CTNNA2: variants seen among roughly 807,000 people sequenced by gnomAD.
CTNNA2 encodes catenin alpha 2.
CTNNA2 carries 42 observed loss-of-function variants against 101.0 expected under a neutral mutation model. The observed-to-expected ratio is 0.42, with a 90% CI of 0.32 to 0.54. The LOEUF is 0.54. CTNNA2 is among the 20% of genes least tolerant of loss of function. The pLI, the probability that CTNNA2 is intolerant of heterozygous loss-of-function variation, is 0.14. For missense variants in CTNNA2, 871 were observed against 1,223.1 expected (o/e 0.71, Z 4.29); for synonymous variants, 450 against 456.4 (o/e 0.99, Z 0.18).
chr2:79,755,197 G>A (rs1463779817), intron 3 of CTNNA2, among the ~76,000 whole-genome samples: 1 of 152,116 alleles, frequency 6.6e-6, no homozygotes, highest in African/African-American at 2.4e-5. Flanking sequence ...TGGGCATGGT[G>A]GTGCACACCT....
intron 7 of CTNNA2, among the ~76,000 whole-genome samples, chr2:80,150,090 T>C (rs756831223): frequency 3.9e-5 from 6 of 152,154 alleles, no homozygotes; most frequent in Non-Finnish European, 7.3e-5. Context: ...TCAAGTGATT[T>C]GTTGCCACAC....
At chr2:79,983,793 C>G (rs904387670) in intron 7 of CTNNA2, among the ~76,000 whole-genome samples, 1 of 152,138 alleles carries the variant, frequency 6.6e-6, no homozygotes, top group Non-Finnish European at 1.5e-5. Context: ...ACTAGTACTG[C>G]AAAGCCATTG....
At chr2:79,884,765 T>C (rs555474266) in intron 6 of CTNNA2, among the ~76,000 whole-genome samples, 2 of 150,956 alleles carry the variant, frequency 1.3e-5, no homozygotes, top group South Asian at 2.1e-4. Context: ...TTTTTTTTTT[T>C]CTGTTCTTGG....
intron 7 of CTNNA2, among the ~76,000 whole-genome samples, chr2:79,954,043 G>A (rs541405254): frequency 6.6e-6 from 1 of 152,270 alleles, no homozygotes; most frequent in African/African-American, 2.4e-5. Flanking sequence ...AGTTCTGCAT[G>A]GCTGAAGAGG....
At chr2:79,981,796 A>G (rs1691291153) in intron 7 of CTNNA2, among the ~76,000 whole-genome samples, 1 of 152,156 alleles carries the variant, frequency 6.6e-6, no homozygotes, top group African/African-American at 2.4e-5. Flanking sequence ...TTAAGTGTAA[A>G]TACCTAACTA....
chr2:80,009,241 C>T (rs928967051), intron 7 of CTNNA2, among the ~76,000 whole-genome samples: 1 of 152,206 alleles, frequency 6.6e-6, no homozygotes, highest in Non-Finnish European at 1.5e-5. Context: ...TCTCCCCACA[C>T]CTCCAGCTCT....
Position 80,517,121 on chromosome 2 carries a change from C to T in CTNNA2, c.1291-27861C>T, listed in dbSNP as rs552312750. Among the ~76,000 whole-genome samples, 71 of 152,222 alleles carry T rather than the reference C, an allele frequency of 4.7e-4. 1 individual carries two copies. The highest frequency in any genetic ancestry group is 4.2e-3 in the South Asian group (20 of 4,818). ...GGGAACATTTGTTTCTGACCTTCAG[C>T]GAAAGAATTCAGTTAGGCACTATAA... On this transcript the variant is annotated intron_variant, in intron 9 of 18. Coordinates refer to ENST00000402739, the MANE Select transcript of CTNNA2 (RefSeq NM_001282597.3).
intron 9 of CTNNA2, among the ~76,000 whole-genome samples, chr2:80,536,863 G>T (rs1691076955): frequency 6.6e-6 from 1 of 152,166 alleles, no homozygotes; most frequent in Non-Finnish European, 1.5e-5. Context: ...TGTGAGCTGT[G>T]TGGGGTTTTC....
chr2:79,217,406 G>A (rs998076498), intron 2 of CTNNA2, among the ~76,000 whole-genome samples: 1 of 152,142 alleles, frequency 6.6e-6, no homozygotes, highest in Non-Finnish European at 1.5e-5. Flanking sequence ...TCTGAAAAGA[G>A]AGTCAGTGAA....
intron 3 of CTNNA2, among the ~76,000 whole-genome samples, chr2:79,332,206 T>A: frequency 6.6e-6 from 1 of 151,300 alleles, no homozygotes; most frequent in East Asian, 1.9e-4. Flanking sequence ...TGCAAGGGTA[T>A]GACAGAATAA....
At chr2:79,683,418 G>A (rs1182479014) in intron 2 of CTNNA2, among the ~76,000 whole-genome samples, 1 of 152,120 alleles carries the variant, frequency 6.6e-6, no homozygotes, top group East Asian at 1.9e-4. Context: ...TCCGTCTTTG[G>A]AAGTCAAAGA....
At chr2:79,635,449 G>GA (rs1038474343) in intron 1 of CTNNA2, among the ~76,000 whole-genome samples, 89 of 144,858 alleles carry the variant, frequency 6.1e-4, no homozygotes, top group African/African-American at 1.7e-3. Flanking sequence ...ACAGAAAAAA[G>GA]AAAAAAAAAA....
intron 4 of CTNNA2, among the ~76,000 whole-genome samples, chr2:79,377,681 T>C (rs1331599723): frequency 1.3e-5 from 2 of 152,184 alleles, no homozygotes; most frequent in Non-Finnish European, 2.9e-5. Context: ...TTCATTCCAT[T>C]ACAAAAGAGT....
At chr2:80,592,957 T>C (rs1232395234) in intron 15 of CTNNA2, among the ~76,000 whole-genome samples, 1 of 152,178 alleles carries the variant, frequency 6.6e-6, no homozygotes, top group Non-Finnish European at 1.5e-5. Context: ...CTTTCTTTTT[T>C]GGAGTGACCA....
chr2:79,819,504 C>G (rs1408634910), intron 3 of CTNNA2, among the ~76,000 whole-genome samples: 1 of 152,054 alleles, frequency 6.6e-6, no homozygotes, highest in African/African-American at 2.4e-5. Context: ...GAATGAATGC[C>G]TAGAGTTTGT....
chr2:79,938,378 C>G (rs1687928474), intron 7 of CTNNA2, among the ~76,000 whole-genome samples: 1 of 152,054 alleles, frequency 6.6e-6, no homozygotes, highest in African/African-American at 2.4e-5. Context: ...GATTGACAGT[C>G]TAATTAAAGA....
intron 9 of CTNNA2, among the ~76,000 whole-genome samples, chr2:80,468,743 C>A (rs1213015010): frequency 6.6e-6 from 1 of 152,008 alleles, no homozygotes; most frequent in African/African-American, 2.4e-5. Context: ...ATATTAGTAC[C>A]CATTTCTGTA....
intron 3 of CTNNA2, among the ~76,000 whole-genome samples, chr2:79,825,742 A>T (rs546593449): frequency 2.0e-4 from 30 of 152,206 alleles, no homozygotes; most frequent in Non-Finnish European, 3.8e-4. Context: ...AAAGTCATAG[A>T]TGGCTAAGTT....
At chr2:80,387,026 T>A (rs562672385) in intron 7 of CTNNA2, among the ~76,000 whole-genome samples, 1 of 152,230 alleles carries the variant, frequency 6.6e-6, no homozygotes, top group Admixed American at 6.5e-5. Flanking sequence ...GGAACAGCCT[T>A]TAAAGAAATA....
Sources: gnomAD v4.1 joint callset for allele counts (sites outside exome capture counted in the v4.1 genomes callset) on GRCh38, gnomAD v4.1.1 for gene constraint, MANE v1.5 for transcripts, NCBI Gene and HGNC (gene_info 2026-07-23, HGNC 2026-07-21) for gene names.